Variants in SCGB1C1 observed in about 807,000 individuals in gnomAD.
The protein encoded by SCGB1C1 is secretoglobin family 1C member 1.
SCGB1C1 carries 2 observed loss-of-function variants against 8.9 expected under a neutral mutation model. The observed-to-expected ratio is 0.23, with a 90% CI of 0.09 to 0.71. The LOEUF (loss-of-function observed/expected upper bound fraction) is 0.71. Ranked by LOEUF, SCGB1C1 falls within the 30% of genes least tolerant of loss-of-function variation. The pLI, the probability that SCGB1C1 is intolerant of heterozygous loss-of-function variation, is 0.78. For synonymous variants in SCGB1C1, 6 were observed against 45.8 expected, an observed-to-expected ratio of 0.13 and a Z score of 3.51; for missense variants, 25 against 112.7, an observed-to-expected ratio of 0.22 and a Z score of 3.52.
At chr11:193,543 G>A (rs1179717720) in intron 1 of SCGB1C1, among the ~76,000 whole-genome samples, 169 bp from the exon 2 acceptor site, 3 of 152,300 alleles carry the variant, frequency 2.0e-5, no homozygotes, top group South Asian at 2.1e-4. Flanking sequence ...AGGGGTCTTC[G>A]GGCAAGGTGG....
chr11:191,773 A>G (rs1356251173), upstream of SCGB1C1, among the ~76,000 whole-genome samples: 5 of 152,300 alleles, frequency 3.3e-5, no homozygotes, highest in African/African-American at 9.6e-5. Flanking sequence ...AACACAGCGT[A>G]TAAGACCAAA....
upstream of SCGB1C1, among the ~76,000 whole-genome samples, chr11:189,460 G>A (rs1854736209): frequency 7.7e-6 from 1 of 129,484 alleles, no homozygotes; most frequent in South Asian, 2.1e-4. Flanking sequence ...GAGGCGCGGC[G>A]CGCGGGCGCC....
At chr11:192,826 A>G (rs1432686779), upstream of SCGB1C1, among the ~76,000 whole-genome samples, 8 of 143,612 alleles carry the variant, frequency 5.6e-5, no homozygotes, top group African/African-American at 2.1e-4. Flanking sequence ...TTCTTCACCG[A>G]TCAGTTGGCA....
chr11:192,111 G>A (rs1160352871), upstream of SCGB1C1, among the ~76,000 whole-genome samples: 4 of 151,146 alleles, frequency 2.6e-5, no homozygotes, highest in African/African-American at 4.9e-5. Context: ...AATGTAACAA[G>A]GATCTTGGTC....
chr11:191,840 TAACCCTAACCCTA>T (rs1854814197), upstream of SCGB1C1, among the ~76,000 whole-genome samples: 1 of 44,268 alleles, frequency 2.3e-5, no homozygotes, highest in African/African-American at 5.2e-5. Flanking sequence ...ACCCTAACCC[TAACCCTAACCCTA>T]ACCCCTAACC....
upstream of SCGB1C1, among the ~76,000 whole-genome samples, chr11:192,823 C>T (rs1394280842): frequency 6.9e-6 from 1 of 145,488 alleles, no homozygotes; most frequent in African/African-American, 2.5e-5. Context: ...GCCTTCTTCA[C>T]CGATCAGTTG....
At chr11:189,562 G>A (rs1241838249), upstream of SCGB1C1, among the ~76,000 whole-genome samples, 4 of 127,926 alleles carry the variant, frequency 3.1e-5, no homozygotes, top group Admixed American at 3.1e-4. Context: ...GGGGGGAGGT[G>A]GGTGGTGCAG....
At chr11:190,677 C>G (rs1269296732), upstream of SCGB1C1, among the ~76,000 whole-genome samples, 58 of 152,340 alleles carry the variant, frequency 3.8e-4, no homozygotes, top group Non-Finnish European at 7.1e-4. Flanking sequence ...CTTGTGGGAC[C>G]TCCTCACTGT....
upstream of SCGB1C1, among the ~76,000 whole-genome samples, chr11:189,790 G>A (rs1854755145): frequency 6.6e-6 from 1 of 152,170 alleles, no homozygotes; most frequent in Non-Finnish European, 1.5e-5. Context: ...GCAACTGCAG[G>A]GCCCTCTTGC....
chr11:194,457 C>A lies in SCGB1C1; in HGVS notation c.*7C>A. 1.3e-6 allele frequency: 1 copy of A among 771,744 alleles called. No individual in the cohort carries two copies. Among genetic ancestry groups the A allele is most frequent in the East Asian group, 2.7e-5 (1 of 37,718 alleles). 47.8% of individuals were successfully genotyped at this position (771,744 alleles called of 1,614,324 possible). A position where few individuals can be genotyped will look rare whatever the true frequency, so the allele number is the denominator to read the frequency against. ...CAGTCAGGACGGTGCCTAAGTGGAC[C>A]TCAGACATGGCTCAGCCATAGGACC... On this transcript the variant is annotated 3_prime_UTR_variant, in exon 3 of 3. Coordinates refer to ENST00000342878, the MANE Select transcript of SCGB1C1 (RefSeq NM_145651.3).
At chr11:193,666 CAG>C (rs1410538215) in intron 1 of SCGB1C1, 44 bp from the exon 2 acceptor site, 1 of 1,604,300 alleles carries the variant, frequency 6.2e-7, no homozygotes, top group Admixed American at 1.7e-5. Flanking sequence ...GTGGTTGCAC[CAG>C]AGTCACCCTG....
At chr11:191,905 A>T (rs1335179115), upstream of SCGB1C1, among the ~76,000 whole-genome samples, 2 of 149,462 alleles carry the variant, frequency 1.3e-5, no homozygotes, top group Non-Finnish European at 3.0e-5. Context: ...CCTAACCCCT[A>T]ACCCTTACCG....
At chr11:193,646 G>C in intron 1 of SCGB1C1, 66 bp from the exon 2 acceptor site, 2 of 1,584,614 alleles carry the variant, frequency 1.3e-6, no homozygotes, top group Non-Finnish European at 1.7e-6. Flanking sequence ...CCTGGGGCAG[G>C]TCCAGGGCTG....
chr11:189,639 T>A (rs1854748566), upstream of SCGB1C1, among the ~76,000 whole-genome samples: 1 of 152,218 alleles, frequency 6.6e-6, no homozygotes, highest in African/African-American at 2.4e-5. Flanking sequence ...GAGACGCACG[T>A]CCTCGGGGGC....
chr11:194,284 C>T lies in SCGB1C1; in HGVS notation c.256-134C>T, dbSNP rs1854877800. On this transcript the variant is annotated intron_variant, in intron 2 of 2. Coordinates refer to ENST00000342878, the MANE Select transcript of SCGB1C1 (RefSeq NM_145651.3). ...CACACCATCACATGTGCACACACAC[C>T]TCCCAGCTGCTGGGAGGAGATAGGC... 4.7e-6 allele frequency: 3 copies of T among 640,604 alleles called. No individual in the cohort carries two copies. In the South Asian group the frequency reaches 5.3e-5, roughly 11 times the overall value. 39.7% of individuals were successfully genotyped at this position (640,604 alleles called of 1,614,324 possible).
upstream of SCGB1C1, among the ~76,000 whole-genome samples, chr11:192,451 G>T (rs1854830378): frequency 1.3e-5 from 2 of 151,544 alleles, no homozygotes; most frequent in African/African-American, 4.9e-5. Context: ...CTCACTTCCT[G>T]CTGAGACCTG....
chr11:189,330 T>C (rs1324770871), upstream of SCGB1C1, among the ~76,000 whole-genome samples: 1 of 152,208 alleles, frequency 6.6e-6, no homozygotes, highest in Non-Finnish European at 1.5e-5. Flanking sequence ...AGCTCTACCC[T>C]GGCCACCTTG....
upstream of SCGB1C1, among the ~76,000 whole-genome samples, chr11:190,769 C>T (rs868062933): frequency 1.9e-3 from 274 of 145,478 alleles, no homozygotes; most frequent in African/African-American, 6.6e-3. Flanking sequence ...ACACTGACAG[C>T]GATCACGTTT....
upstream of SCGB1C1, among the ~76,000 whole-genome samples, chr11:190,712 C>G (rs1296284652): frequency 1.3e-5 from 2 of 152,302 alleles, no homozygotes; most frequent in Non-Finnish European, 1.5e-5. Context: ...GTGTGGTGAT[C>G]AATACGAATC....
Sources: allele counts gnomAD v4.1 joint callset (sites outside exome capture counted in the v4.1 genomes callset), GRCh38; gene constraint gnomAD v4.1.1; transcripts MANE v1.5; gene names NCBI Gene and HGNC (gene_info 2026-07-23, HGNC 2026-07-21).